MYO1E: variants seen among roughly 807,000 people sequenced by gnomAD.
MYO1E encodes the protein myosin IE.
In MYO1E, 68 loss-of-function variants were observed where a neutral mutation model predicts 151.1. The observed-to-expected ratio is 0.45, with a 90% confidence interval of 0.37 to 0.55. MYO1E has a LOEUF of 0.55. Among genes scored for constraint, MYO1E ranks in the 20% least tolerant of loss-of-function variants. The pLI is 0.00. For synonymous variants in MYO1E, 601 were observed against 501.7 expected (o/e 1.20, Z -2.64); for missense variants, 1,363 against 1,389.3 (o/e 0.98, Z 0.30).
intron 14 of MYO1E, 42 bp downstream of exon 14, chr15:59,208,639 A>C: frequency 1.2e-6 from 2 of 1,610,996 alleles, no homozygotes; most frequent in Non-Finnish European, 1.7e-6. Flanking sequence ...ACAAACCCAA[A>C]GGCTTAAAAC....
intron 1 of MYO1E, among the ~76,000 whole-genome samples, chr15:59,319,523 C>T (rs948620641): frequency 7.3e-6 from 1 of 137,252 alleles, no homozygotes. Context: ...AGAAAAGGCA[C>T]CAAGATAGGA....
chr15:59,313,326 G>T (rs991424211), intron 1 of MYO1E, among the ~76,000 whole-genome samples: 1 of 152,114 alleles, frequency 6.6e-6, no homozygotes, highest in Admixed American at 6.5e-5. Context: ...GGAAGCAACT[G>T]TTAATACGCA....
chr15:59,162,747 A>T (rs1353830646), intron 23 of MYO1E, among the ~76,000 whole-genome samples: 1 of 151,926 alleles, frequency 6.6e-6, no homozygotes, highest in Admixed American at 6.6e-5. Context: ...CTCTACCAAT[A>T]AACAGGTTTT....
intron 7 of MYO1E, among the ~76,000 whole-genome samples, chr15:59,225,836 C>G (rs1044670505): frequency 6.6e-6 from 1 of 152,078 alleles, no homozygotes; most frequent in Non-Finnish European, 1.5e-5. Flanking sequence ...TTAGTAGAGA[C>G]AGGGTTTCAC....
At chr15:59,238,185 C>A (rs1330475779) in intron 4 of MYO1E, among the ~76,000 whole-genome samples, 1 of 152,166 alleles carries the variant, frequency 6.6e-6, no homozygotes, top group Non-Finnish European at 1.5e-5. Flanking sequence ...AAATTCAACT[C>A]CATGGGGAAA....
chr15:59,161,589 C>G (rs1242693876), intron 23 of MYO1E, among the ~76,000 whole-genome samples: 1 of 152,202 alleles, frequency 6.6e-6, no homozygotes, highest in Non-Finnish European at 1.5e-5. Context: ...TGTCATTGTG[C>G]TTCCAGCTGT....
Position 59,163,179 on chromosome 15 carries a change from G to A in MYO1E, c.2605C>T (p.Leu869=), listed in dbSNP as rs1374923797. ...KRYEEKTQKQ[L]PLKFSNTLEL... ...TACGTATTGCTGAATTTCAGAGGTAGTTGCTTCTGGGTCTTCTCCTCGTAA... is the reference window on the plus strand; with the variant it reads ...TACGTATTGCTGAATTTCAGAGGTAATTGCTTCTGGGTCTTCTCCTCGTAA... Residue 869 remains leucine, a synonymous_variant, in exon 23 of 28, where the codon CTA becomes TTA. Transcript: ENST00000288235. The A allele has an allele frequency of 1.2e-6, 2 of 1,614,154 alleles. No individual in the cohort carries two copies. Among genetic ancestry groups the A allele is most frequent in the Admixed American group, 1.7e-5 (1 of 60,014 alleles).
intron 1 of MYO1E, among the ~76,000 whole-genome samples, chr15:59,315,549 T>TTAA (rs1272853634): frequency 2.3e-5 from 3 of 128,848 alleles, no homozygotes; most frequent in Non-Finnish European, 3.4e-5. Flanking sequence ...AACTAAAAAT[T>TTAA]AAAAAAAAAA....
At chr15:59,322,597 C>G (rs1489792576) in intron 1 of MYO1E, among the ~76,000 whole-genome samples, 1 of 152,124 alleles carries the variant, frequency 6.6e-6, no homozygotes, top group African/African-American at 2.4e-5. Context: ...GCCATGAGAG[C>G]CAGAGATGGG....
chr15:59,286,186 A>C (rs546464784), intron 1 of MYO1E, among the ~76,000 whole-genome samples: 1 of 152,360 alleles, frequency 6.6e-6, no homozygotes, highest in Admixed American at 6.5e-5. Context: ...GGCAGAGTTG[A>C]TATCAACCTG....
chr15:59,207,311 C>A (rs1442079743), intron 14 of MYO1E: 2 of 1,614,078 alleles, frequency 1.2e-6, no homozygotes, highest in East Asian at 4.5e-5. Context: ...ACGAAAATGC[C>A]AAATATTGTT....
chr15:59,291,169 T>C (rs781054819), intron 1 of MYO1E, among the ~76,000 whole-genome samples: 5 of 152,250 alleles, frequency 3.3e-5, no homozygotes, highest in Admixed American at 1.3e-4. Context: ...ATTTGTACGA[T>C]ACTCTGTTCC....
chr15:59,336,396 G>C (rs2080728620), intron 1 of MYO1E, among the ~76,000 whole-genome samples: 1 of 151,952 alleles, frequency 6.6e-6, no homozygotes, highest in Non-Finnish European at 1.5e-5. Flanking sequence ...AAAAACCCTA[G>C]ATTCAAAGGG....
chr15:59,241,604 C>T (rs1280285672), intron 4 of MYO1E, among the ~76,000 whole-genome samples: 2 of 151,854 alleles, frequency 1.3e-5, no homozygotes, highest in Non-Finnish European at 2.9e-5. Flanking sequence ...TCAAGAGATC[C>T]GAGGCAGGAG....
chr15:59,340,303 T>C lies in MYO1E; in HGVS notation c.3+32195A>G, dbSNP rs189173297. ...CCAGCCAGGATGACAAGCGACACCT[T>C]GTCTCAAAAAAAATAGCAATTTTTT... On this transcript the variant is annotated intron_variant, in intron 1 of 27. Transcript: ENST00000288235. Among the ~76,000 whole-genome samples the C allele has an allele frequency of 2.3e-3, 346 of 152,098 alleles. 2 individuals are homozygous for C. Among genetic ancestry groups the C allele is most frequent in the East Asian group, 1.9e-3 (10 of 5,174 alleles).
chr15:59,293,708 T>TA (rs1222990526), intron 1 of MYO1E, among the ~76,000 whole-genome samples: 2 of 152,008 alleles, frequency 1.3e-5, no homozygotes, highest in Non-Finnish European at 2.9e-5. Context: ...CCCTCAAAAG[T>TA]TTTTTCATCT....
At position 59,207,568 on chromosome 15, in the gene MYO1E, AGCG is replaced by A. The variant is rs2079846642; in HGVS notation, c.1530+1110_1530+1112del. On this transcript the variant is annotated intron_variant, in intron 14 of 27. Transcript: ENST00000288235. ...ATTTCCCAAAAACCGTATTATTGGA[AGCG>A]GCTGTAATCTGGATACTGCTCGTTT... is the stretch of plus-strand genomic sequence containing the variant. 9 of 1,614,126 alleles carry A rather than the reference AGCG, an allele frequency of 5.6e-6. No individual in the cohort carries two copies. In the East Asian group the frequency reaches 2.0e-4, roughly 36 times the overall value.
In MYO1E at chr15:59,371,655, G is replaced by T. The variant is rs2080945569; in HGVS notation, c.3+843C>A. ...TTCCCAAAGTGCCAAAGGGAAAACAGCAACAAACTCGAAACTCGCGAGGGC... is the reference window on the plus strand; with the variant it reads ...TTCCCAAAGTGCCAAAGGGAAAACATCAACAAACTCGAAACTCGCGAGGGC... On this transcript the variant is annotated intron_variant, in intron 1 of 27. Coordinates refer to ENST00000288235, the MANE Select transcript of MYO1E (RefSeq NM_004998.4). 2.6e-5 allele frequency among the ~76,000 whole-genome samples: 4 copies of T among 152,302 alleles called. No individual in the cohort carries two copies. In the South Asian group the frequency reaches 8.3e-4, roughly 32 times the overall value.
At chr15:59,169,296 C>T (rs1353516173) in intron 22 of MYO1E, among the ~76,000 whole-genome samples, 3 of 152,224 alleles carry the variant, frequency 2.0e-5, no homozygotes, top group African/African-American at 7.2e-5. Context: ...TCCTGAAGTA[C>T]AAGCCAACTG....
Sources: allele counts gnomAD v4.1 joint callset (sites outside exome capture counted in the v4.1 genomes callset), GRCh38; gene constraint gnomAD v4.1.1; transcripts MANE v1.5; gene names NCBI Gene and HGNC (gene_info 2026-07-23, HGNC 2026-07-21).